CCDC175: variants seen among roughly 807,000 people sequenced by gnomAD.
The protein encoded by CCDC175 is coiled-coil domain-containing protein 175.
In CCDC175, 100 loss-of-function variants were observed where a neutral mutation model predicts 114.6. That is an observed-to-expected ratio of 0.87 (90% CI 0.74 to 1.03). CCDC175 has a LOEUF of 1.03. CCDC175 is among the 50% of genes least tolerant of loss of function. The pLI is 0.00. For missense variants in CCDC175, 880 were observed against 917.8 expected (o/e 0.96, Z 0.53); for synonymous variants, 306 against 308.7 (o/e 0.99, Z 0.09).
chr14:59,515,555 C>T (rs562848166), intron 17 of CCDC175, among the ~76,000 whole-genome samples: 1 of 152,126 alleles, frequency 6.6e-6, no homozygotes, highest in Admixed American at 6.5e-5. Flanking sequence ...CAACAAAGAT[C>T]AAAAGAGACA....
intron 1 of CCDC175, 43 bp downstream of exon 1, chr14:59,576,576 C>T: frequency 1.4e-6 from 2 of 1,386,190 alleles, no homozygotes; most frequent in Admixed American, 3.6e-5. Context: ...CTAAGCGCCA[C>T]CTCTGAGGAG....
intron 8 of CCDC175, among the ~76,000 whole-genome samples, chr14:59,545,577 G>A (rs1055347320): frequency 6.6e-6 from 1 of 152,172 alleles, no homozygotes; most frequent in Non-Finnish European, 1.5e-5. Context: ...AATAAACTGT[G>A]ACTGCTGAGC....
intron 8 of CCDC175, among the ~76,000 whole-genome samples, chr14:59,548,785 C>G (rs1365077560): frequency 1.3e-5 from 2 of 152,198 alleles, no homozygotes; most frequent in Non-Finnish European, 1.5e-5. Context: ...GGGAAGCCAT[C>G]TCTCATGCTG....
At chr14:59,505,393 T>G in intron 19 of CCDC175, 78 bp from the exon 20 acceptor site, 1 of 738,208 alleles carries the variant, frequency 1.4e-6, no homozygotes, top group Admixed American at 3.0e-5. Context: ...TCATTAAAAT[T>G]CTGAGTTGCC....
At chr14:59,539,067 T>C (rs766655051) in intron 11 of CCDC175, among the ~76,000 whole-genome samples, 18 of 152,292 alleles carry the variant, frequency 1.2e-4, no homozygotes, top group Middle Eastern at 6.8e-3. Context: ...ACACTTCCAA[T>C]AGAACAGCGA....
Position 59,570,435 on chromosome 14 carries a change from CT to C in CCDC175, c.356-2056del, listed in dbSNP as rs148124143. Among the ~76,000 whole-genome samples the C allele has an allele frequency of 1.7e-3, 257 of 146,988 alleles. 1 individual carries two copies. Among genetic ancestry groups the C allele is most frequent in the African/African-American group, 4.8e-3 (192 of 40,210 alleles). On this transcript the variant is annotated intron_variant, in intron 3 of 19. Transcript: ENST00000537690. ...ATAAATGGCTAACTGGAAAATCTAC[CT>C]TTTTTTTTTTACTTATTAAGACCAC...
At chr14:59,526,074 T>C (rs1458563948) in intron 15 of CCDC175, among the ~76,000 whole-genome samples, 1 of 152,212 alleles carries the variant, frequency 6.6e-6, no homozygotes. Flanking sequence ...GAGGACTTAA[T>C]GTTTCTTGAA....
intron 17 of CCDC175, among the ~76,000 whole-genome samples, chr14:59,513,866 T>C (rs972985008): frequency 3.9e-5 from 6 of 152,128 alleles, no homozygotes; most frequent in Admixed American, 1.3e-4. Context: ...ACAGACTGCC[T>C]CCTCAAGCAC....
chr14:59,549,289 G>A (rs1895307808), intron 8 of CCDC175, among the ~76,000 whole-genome samples: 1 of 152,168 alleles, frequency 6.6e-6, no homozygotes, highest in Non-Finnish European at 1.5e-5. Context: ...CAAGGCAGGA[G>A]GATTGCTTGA....
At chr14:59,531,287 C>T (rs776983868) in intron 14 of CCDC175, among the ~76,000 whole-genome samples, 36 of 151,956 alleles carry the variant, frequency 2.4e-4, no homozygotes, top group Non-Finnish European at 3.4e-4. Flanking sequence ...ACATATTTCA[C>T]GTCCTCTACT....
At chr14:59,526,964 A>G (rs951315790) in intron 15 of CCDC175, 131 bp downstream of exon 15, 39 of 540,560 alleles carry the variant, frequency 7.2e-5, no homozygotes, top group African/African-American at 6.7e-4. Flanking sequence ...ATTGTTAAAC[A>G]TTGATATTGA....
chr14:59,569,403 C>T (rs1246138488), intron 3 of CCDC175, among the ~76,000 whole-genome samples: 1 of 152,194 alleles, frequency 6.6e-6, no homozygotes, highest in African/African-American at 2.4e-5. Context: ...TTACATGTTG[C>T]TTATGCTGCT....
intron 13 of CCDC175, among the ~76,000 whole-genome samples, chr14:59,536,745 T>G (rs1238829028): frequency 6.6e-6 from 1 of 152,184 alleles, no homozygotes; most frequent in African/African-American, 2.4e-5. Context: ...TATTAAATTA[T>G]TTTTTTAAAT....
intron 14 of CCDC175, among the ~76,000 whole-genome samples, chr14:59,529,751 T>C (rs1384892709): frequency 6.6e-6 from 1 of 152,116 alleles, no homozygotes; most frequent in African/African-American, 2.4e-5. Context: ...TTTATATACA[T>C]ATTTGGGAGT....
chr14:59,510,156 G>C (rs1892659783), intron 19 of CCDC175, among the ~76,000 whole-genome samples: 1 of 152,128 alleles, frequency 6.6e-6, no homozygotes, highest in Admixed American at 6.5e-5. Flanking sequence ...GGATGAAGCT[G>C]ATACGCCTCT....
Position 59,538,787 on chromosome 14 carries a change from G to A in CCDC175, c.1409C>T (p.Thr470Ile). Residue 470 changes from threonine (T) to isoleucine (I), a missense_variant, in exon 12 of 20, where the codon ACA becomes ATA. Thr to Ile is a moderately conservative substitution (Grantham distance 89). Coordinates refer to ENST00000537690, the MANE Select transcript of CCDC175 (RefSeq NM_001164399.2). ...ACLRKKHARW[T>I]AKIKAEIQAI... is the part of the protein sequence containing the mutation. ...TTGTATTTCAGCTTTTATCTTGGCTGTCCAACGTGCATGCTTTTTTCTCAA... is the reference window on the plus strand; with the variant it reads ...TTGTATTTCAGCTTTTATCTTGGCTATCCAACGTGCATGCTTTTTTCTCAA... 1.3e-6 allele frequency: 2 copies of A among 1,536,670 alleles called. No homozygotes were observed. The highest frequency in any genetic ancestry group is 1.7e-6 in the Non-Finnish European group (2 of 1,146,548).
intron 17 of CCDC175, among the ~76,000 whole-genome samples, chr14:59,518,645 A>C (rs570987055): frequency 2.0e-5 from 3 of 152,180 alleles, no homozygotes; most frequent in Non-Finnish European, 4.4e-5. Context: ...TTAGAATGGC[A>C]ATCATTAAAA....
chr14:59,505,980 T>A (rs1045366048), intron 19 of CCDC175, among the ~76,000 whole-genome samples: 1 of 152,212 alleles, frequency 6.6e-6, no homozygotes, highest in African/African-American at 2.4e-5. Context: ...ATCTGAAATC[T>A]TAAATTCTCA....
Position 59,539,958 on chromosome 14 carries a change from C to A in CCDC175, c.1355+717G>T, listed in dbSNP as rs865802262. On this transcript the variant is annotated intron_variant, in intron 11 of 19. Coordinates refer to ENST00000537690, the MANE Select transcript of CCDC175 (RefSeq NM_001164399.2). ...TGGTAGTGCGTGCCGGTAGTCCTAG[C>A]TAATCTGGTGGCTGAGGCATGAGAA... Among the ~76,000 whole-genome samples, 9 of 152,018 alleles carry A rather than the reference C, an allele frequency of 5.9e-5. 1 individual carries two copies. The highest frequency in any genetic ancestry group is 6.8e-3 in the Middle Eastern group (2 of 294).
Sources: gnomAD v4.1 joint callset for allele counts (sites outside exome capture counted in the v4.1 genomes callset) on GRCh38, gnomAD v4.1.1 for gene constraint, MANE v1.5 for transcripts, NCBI Gene and HGNC (gene_info 2026-07-23, HGNC 2026-07-21) for gene names.